NELL1: variants seen among roughly 807,000 people sequenced by gnomAD.
NELL1 encodes the protein neural EGFL like 1.
Under a neutral mutation model 107.4 loss-of-function variants are expected in NELL1, and 76 were observed. The ratio of observed to expected loss-of-function variants is 0.71; its 90% CI spans 0.59 to 0.86. The LOEUF (loss-of-function observed/expected upper bound fraction) is 0.86. Ranked by LOEUF, NELL1 falls within the 40% of genes least tolerant of loss-of-function variation. The probability of loss-of-function intolerance (pLI) is 0.00; values close to 1 mark genes in which losing one functional copy is unlikely to be tolerated. For synonymous variants in NELL1, 353 were observed against 341.2 expected (o/e 1.03, Z -0.38); for missense variants, 1,024 against 1,005.5 (o/e 1.02, Z -0.25).
At chr11:21,067,538 G>GA (rs910198602) in intron 12 of NELL1, among the ~76,000 whole-genome samples, 3 of 152,098 alleles carry the variant, frequency 2.0e-5, no homozygotes, top group African/African-American at 7.2e-5. Flanking sequence ...TTGACCAAAG[G>GA]AAAAACTAAT....
chr11:21,263,829 A>G (rs993122129), intron 14 of NELL1, among the ~76,000 whole-genome samples: 6 of 151,874 alleles, frequency 4.0e-5, no homozygotes, highest in Admixed American at 2.6e-4. Flanking sequence ...TCACTCCTTC[A>G]TCTGCTTCTA....
chr11:21,129,892 T>A (rs1000411247), intron 13 of NELL1, among the ~76,000 whole-genome samples: 8 of 152,146 alleles, frequency 5.3e-5, no homozygotes, highest in Non-Finnish European at 1.2e-4. Context: ...CACTGAAAAA[T>A]GGTTAAGAGA....
At chr11:21,024,933 G>C (rs75892510) in intron 12 of NELL1, among the ~76,000 whole-genome samples, 3,518 of 152,128 alleles carry the variant, frequency 0.023, 54 homozygotes, top group South Asian at 0.044. Context: ...AACTGAAAGT[G>C]TTTCTTCATC....
At chr11:21,151,889 G>T (rs1191054873) in intron 13 of NELL1, among the ~76,000 whole-genome samples, 2 of 152,172 alleles carry the variant, frequency 1.3e-5, no homozygotes, top group African/African-American at 4.8e-5. Context: ...ATGTCTGGAG[G>T]TATCACTTTA....
At chr11:21,264,873 A>G (rs989879946) in intron 14 of NELL1, among the ~76,000 whole-genome samples, 1 of 151,888 alleles carries the variant, frequency 6.6e-6, no homozygotes, top group Non-Finnish European at 1.5e-5. Context: ...ATCCTATTTA[A>G]AAAGAAAGCC....
chr11:20,906,198 A>T (rs2134139701), intron 5 of NELL1, among the ~76,000 whole-genome samples: 1 of 152,284 alleles, frequency 6.6e-6, no homozygotes, highest in East Asian at 1.9e-4. Context: ...GAAGACTATG[A>T]ATAATTATAT....
At chr11:20,771,387 T>C (rs2133968915) in intron 2 of NELL1, among the ~76,000 whole-genome samples, 1 of 152,342 alleles carries the variant, frequency 6.6e-6, no homozygotes. Context: ...CATCCTATGC[T>C]GAAGTTGGAC....
At chr11:21,013,122 AC>A (rs1213025969) in intron 12 of NELL1, among the ~76,000 whole-genome samples, 1 of 152,200 alleles carries the variant, frequency 6.6e-6, no homozygotes, top group Non-Finnish European at 1.5e-5. Context: ...CCAAGAATGA[AC>A]AAAGGGCAGC....
At chr11:21,101,792 C>A (rs1032417436) in intron 12 of NELL1, among the ~76,000 whole-genome samples, 3 of 152,138 alleles carry the variant, frequency 2.0e-5, no homozygotes, top group African/African-American at 7.2e-5. Flanking sequence ...TGTAGGTTGC[C>A]TGTTCACTCT....
At chr11:21,073,947 G>T (rs922999786) in intron 12 of NELL1, among the ~76,000 whole-genome samples, 1 of 152,088 alleles carries the variant, frequency 6.6e-6, no homozygotes, top group Non-Finnish European at 1.5e-5. Context: ...AAAGATTTAA[G>T]CTAAAGAATA....
chr11:20,880,903 G>A (rs1238835569), intron 4 of NELL1, among the ~76,000 whole-genome samples: 1 of 152,146 alleles, frequency 6.6e-6, no homozygotes, highest in Non-Finnish European at 1.5e-5. Flanking sequence ...GAGACAGCAT[G>A]GAAGATACCT....
At chr11:20,735,924 G>T (rs1189779828) in intron 2 of NELL1, among the ~76,000 whole-genome samples, 1 of 152,058 alleles carries the variant, frequency 6.6e-6, no homozygotes, top group Non-Finnish European at 1.5e-5. Context: ...TGCAGTAGAG[G>T]GGTTGCTAAT....
intron 14 of NELL1, among the ~76,000 whole-genome samples, chr11:21,268,744 G>A (rs1292749980): frequency 6.6e-6 from 1 of 152,056 alleles, no homozygotes; most frequent in Non-Finnish European, 1.5e-5. Flanking sequence ...GTCATGTCTG[G>A]TTATCAAGAA....
chr11:21,558,775 A>G (rs1856781645), intron 16 of NELL1, among the ~76,000 whole-genome samples: 1 of 152,118 alleles, frequency 6.6e-6, no homozygotes, highest in South Asian at 2.1e-4. Context: ...ACTAAAAAGT[A>G]AGAGCTTGGT....
chr11:21,427,345 G>A (rs1852847668), intron 15 of NELL1, among the ~76,000 whole-genome samples: 1 of 152,208 alleles, frequency 6.6e-6, no homozygotes, highest in Admixed American at 6.5e-5. Flanking sequence ...ATGTAGCACA[G>A]ATGAGGACAG....
At chr11:21,244,788 CTGAG>C (rs2133902482) in intron 14 of NELL1, among the ~76,000 whole-genome samples, 1 of 152,212 alleles carries the variant, frequency 6.6e-6, no homozygotes, top group South Asian at 2.1e-4. Flanking sequence ...AGCAAGGTGA[CTGAG>C]TGGTGAAGGT....
chr11:20,752,775 T>C (rs1433461842), intron 2 of NELL1, among the ~76,000 whole-genome samples: 1 of 152,204 alleles, frequency 6.6e-6, no homozygotes, highest in Non-Finnish European at 1.5e-5. Context: ...TAAAATAAAG[T>C]TATAACTGGT....
In NELL1 at chr11:20,834,045, A is replaced by G. The variant is rs939316055; in HGVS notation, c.336-13538A>G. 3.7e-4 allele frequency among the ~76,000 whole-genome samples: 57 copies of G among 152,158 alleles called. 1 individual carries two copies. The highest frequency in any genetic ancestry group is 1.3e-3 in the African/African-American group (55 of 41,452). On this transcript the variant is annotated intron_variant, in intron 3 of 19. Transcript: ENST00000357134. ...GTGCTTGGAAGAAGTCGATAATATG[A>G]TTGGATTCTTGTTTTAAAAAGGTAA...
At chr11:21,097,674 G>A (rs1854682596) in intron 12 of NELL1, among the ~76,000 whole-genome samples, 6 of 152,208 alleles carry the variant, frequency 3.9e-5, no homozygotes, top group Admixed American at 3.3e-4. Flanking sequence ...CAGCAACTAG[G>A]GGCAAGGAAG....
Sources: gnomAD v4.1 joint callset for allele counts (sites outside exome capture counted in the v4.1 genomes callset) on GRCh38, gnomAD v4.1.1 for gene constraint, MANE v1.5 for transcripts, NCBI Gene and HGNC (gene_info 2026-07-23, HGNC 2026-07-21) for gene names.